Variants in DNM3 observed in about 807,000 individuals in gnomAD.
DNM3 encodes the protein dynamin 3.
DNM3 carries 47 observed loss-of-function variants against 101.6 expected under a neutral mutation model. The observed-to-expected ratio is 0.46, with a 90% CI of 0.37 to 0.59. The LOEUF (loss-of-function observed/expected upper bound fraction) is 0.59, where lower values mean the gene tolerates loss of function less well. DNM3 is among the 20% of genes least tolerant of loss of function. The pLI is 0.00. For synonymous variants in DNM3, 385 were observed against 387.9 expected, an observed-to-expected ratio of 0.99 and a Z score of 0.09; for missense variants, 849 against 1,085.7, an observed-to-expected ratio of 0.78 and a Z score of 3.06.
chr1:171,929,444 G>A (rs1309636274), intron 2 of DNM3, among the ~76,000 whole-genome samples: 2 of 151,874 alleles, frequency 1.3e-5, no homozygotes, highest in African/African-American at 4.8e-5. Context: ...TCCAAAGTTT[G>A]AAGGCTGGAA....
Position 172,410,251 on chromosome 1 carries a change from A to C in DNM3, c.*2410A>C, listed in dbSNP as rs1573790963. 1 of 985,412 alleles carries C rather than the reference A, an allele frequency of 1.0e-6. No homozygotes were observed. The highest frequency in any genetic ancestry group is 1.2e-6 in the Non-Finnish European group (1 of 829,890). The allele number at this position is 985,412 out of a possible 1,614,324, so 61.0% of individuals were successfully genotyped here. A position where few individuals can be genotyped will look rare whatever the true frequency, so the allele number is the denominator to read the frequency against. On this transcript the variant is annotated 3_prime_UTR_variant, in exon 21 of 21. Transcript: ENST00000627582. ...AAAAGGAGATGCCAATGTTGAATGA[A>C]GTCTGAAACTCTAGTATGTGCATAG...
In DNM3 at chr1:172,408,176, C is replaced by T. The variant is rs1019801285; in HGVS notation, c.*335C>T. 1 of 1,091,586 alleles carries T rather than the reference C, an allele frequency of 9.2e-7. No individual in the cohort carries two copies. Among genetic ancestry groups the T allele is most frequent in the Non-Finnish European group, 1.1e-6 (1 of 894,714 alleles). 67.6% of individuals were successfully genotyped at this position (1,091,586 alleles called of 1,614,324 possible). A position where few individuals can be genotyped will look rare whatever the true frequency, so the allele number is the denominator to read the frequency against. ...TTTCTAGGCTATCTACCAGGTAGCT[C>T]ATTAAACGTAATTCTTCAGATATGA... On this transcript the variant is annotated 3_prime_UTR_variant, in exon 21 of 21. Transcript: ENST00000627582.
chr1:172,124,491 C>T (rs755614934), intron 13 of DNM3, among the ~76,000 whole-genome samples: 5 of 152,154 alleles, frequency 3.3e-5, no homozygotes, highest in Admixed American at 6.5e-5. Context: ...TTTTCCTTTG[C>T]ATTTCTCCTC....
chr1:172,356,887 C>T (rs780236892), intron 17 of DNM3, among the ~76,000 whole-genome samples: 7 of 151,968 alleles, frequency 4.6e-5, no homozygotes, highest in Non-Finnish European at 1.0e-4. Context: ...TGGAATGTCT[C>T]ATGATGCTAG....
At chr1:172,148,995 A>G (rs573887151) in intron 14 of DNM3, among the ~76,000 whole-genome samples, 2 of 152,280 alleles carry the variant, frequency 1.3e-5, no homozygotes, top group South Asian at 4.1e-4. Context: ...ATTTCAGAGG[A>G]GTAAGAGATT....
intron 14 of DNM3, among the ~76,000 whole-genome samples, chr1:172,185,445 G>A (rs1296850896): frequency 6.6e-6 from 1 of 152,010 alleles, no homozygotes; most frequent in African/African-American, 2.4e-5. Flanking sequence ...AAAACATTTA[G>A]CTCTCTATTG....
intron 16 of DNM3, among the ~76,000 whole-genome samples, chr1:172,315,513 C>G (rs1281356556): frequency 6.6e-6 from 1 of 152,118 alleles, no homozygotes; most frequent in Non-Finnish European, 1.5e-5. Context: ...AAATGTATAA[C>G]TAGAATAACC....
intron 14 of DNM3, among the ~76,000 whole-genome samples, chr1:172,228,862 T>C (rs997249097): frequency 2.0e-5 from 3 of 152,112 alleles, no homozygotes; most frequent in Non-Finnish European, 2.9e-5. Context: ...TGATTTGGAG[T>C]GCAGTCCCAC....
intron 13 of DNM3, among the ~76,000 whole-genome samples, chr1:172,093,899 A>T (rs776541987): frequency 6.6e-6 from 1 of 152,212 alleles, no homozygotes; most frequent in Non-Finnish European, 1.5e-5. Context: ...AAGAGGGTTC[A>T]TCCCTTCACT....
chr1:171,862,348 T>C (rs1398953657), intron 1 of DNM3, among the ~76,000 whole-genome samples: 1 of 152,208 alleles, frequency 6.6e-6, no homozygotes, highest in African/African-American at 2.4e-5. Context: ...TGCCCACCAA[T>C]TGATCAATGA....
intron 7 of DNM3, among the ~76,000 whole-genome samples, chr1:172,038,958 A>G (rs1471487993): frequency 2.6e-5 from 4 of 151,194 alleles, no homozygotes; most frequent in Non-Finnish European, 5.9e-5. Context: ...CCTTTTACAT[A>G]ATGATTTTAA....
chr1:172,092,054 G>A (rs542237331), intron 12 of DNM3, among the ~76,000 whole-genome samples: 2 of 152,308 alleles, frequency 1.3e-5, no homozygotes, highest in African/African-American at 2.4e-5. Context: ...ATTGCCATTA[G>A]TTAAGAGGAG....
At chr1:172,187,188 C>T (rs758634311) in intron 14 of DNM3, among the ~76,000 whole-genome samples, 8 of 152,132 alleles carry the variant, frequency 5.3e-5, no homozygotes, top group Non-Finnish European at 1.2e-4. Flanking sequence ...TCCCATCTGC[C>T]TTTTCCCACC....
At chr1:172,263,940 G>T (rs2062763033) in intron 15 of DNM3, among the ~76,000 whole-genome samples, 1 of 152,200 alleles carries the variant, frequency 6.6e-6, no homozygotes, top group African/African-American at 2.4e-5. Context: ...AAGTTTAGTT[G>T]TGAGATTATT....
At chr1:172,302,481 T>C (rs1410222321) in intron 15 of DNM3, among the ~76,000 whole-genome samples, 5 of 152,222 alleles carry the variant, frequency 3.3e-5, no homozygotes, top group South Asian at 4.1e-4. Flanking sequence ...TTCTGCAGAC[T>C]TAAATGTCCC....
intron 2 of DNM3, among the ~76,000 whole-genome samples, chr1:171,971,592 C>T (rs886095741): frequency 1.3e-5 from 2 of 151,842 alleles, no homozygotes; most frequent in Admixed American, 6.6e-5. Flanking sequence ...AACGCCACTC[C>T]CAATTGAAAG....
chr1:172,024,685 G>C (rs2048074705), intron 4 of DNM3, among the ~76,000 whole-genome samples: 1 of 152,144 alleles, frequency 6.6e-6, no homozygotes, highest in African/African-American at 2.4e-5. Flanking sequence ...TGCCTCACCT[G>C]GGAAGCGCAT....
intron 15 of DNM3, among the ~76,000 whole-genome samples, chr1:172,264,486 C>T (rs976479859): frequency 6.6e-6 from 1 of 152,136 alleles, no homozygotes; most frequent in African/African-American, 2.4e-5. Flanking sequence ...GAGACAAGAC[C>T]TTATAAGAAA....
intron 10 of DNM3, among the ~76,000 whole-genome samples, chr1:172,061,166 T>C (rs2051159277): frequency 6.6e-6 from 1 of 151,094 alleles, no homozygotes; most frequent in African/African-American, 2.4e-5. Flanking sequence ...TCACACCAGT[T>C]AGAAGGGCAA....
Sources: gnomAD v4.1 joint callset for allele counts (sites outside exome capture counted in the v4.1 genomes callset) on GRCh38, gnomAD v4.1.1 for gene constraint, MANE v1.5 for transcripts, NCBI Gene and HGNC (gene_info 2026-07-23, HGNC 2026-07-21) for gene names.